The following GABRB2 variants were observed in gnomAD, a reference collection of about 807,000 sequenced individuals.
The protein encoded by GABRB2 is gamma-aminobutyric acid type A receptor subunit beta2.
GABRB2 carries 16 observed loss-of-function variants against 54.7 expected under a neutral mutation model. That is an observed-to-expected ratio of 0.29 (90% CI 0.20 to 0.44). GABRB2 has a LOEUF of 0.44. Among genes scored for constraint, GABRB2 ranks in the 20% least tolerant of loss-of-function variants. GABRB2 has a pLI of 1.00. For missense variants in GABRB2, 355 were observed against 644.0 expected (o/e 0.55, Z 4.86); for synonymous variants, 244 against 233.8 (o/e 1.04, Z -0.40).
At chr5:161,302,752 C>T (rs1344689966) in intron 9 of GABRB2, among the ~76,000 whole-genome samples, 2 of 152,126 alleles carry the variant, frequency 1.3e-5, no homozygotes, top group Non-Finnish European at 2.9e-5. Context: ...ATATCCAAAG[C>T]GCTCTTTCCA....
intron 4 of GABRB2, among the ~76,000 whole-genome samples, chr5:161,416,410 GA>G (rs371655189): frequency 1.2e-3 from 186 of 152,154 alleles, no homozygotes; most frequent in African/African-American, 4.3e-3. Context: ...TTCAGGACTA[GA>G]ATATATGTTC....
chr5:161,370,337 T>A (rs965546408), intron 5 of GABRB2, among the ~76,000 whole-genome samples: 1 of 152,206 alleles, frequency 6.6e-6, no homozygotes, highest in African/African-American at 2.4e-5. Flanking sequence ...ATCACAGTGA[T>A]GATAAATCTG....
chr5:161,448,797 A>G (rs1431889792), intron 4 of GABRB2, among the ~76,000 whole-genome samples: 2 of 152,182 alleles, frequency 1.3e-5, no homozygotes, highest in Non-Finnish European at 2.9e-5. Flanking sequence ...GTTGCATAAG[A>G]GAAACCCCTT....
At chr5:161,368,696 C>T (rs866521611) in intron 5 of GABRB2, among the ~76,000 whole-genome samples, 1 of 152,098 alleles carries the variant, frequency 6.6e-6, no homozygotes, top group South Asian at 2.1e-4. Context: ...CAGTGCCAGT[C>T]TAAGAAGCGA....
chr5:161,296,790 G>A (rs1279777674), intron 9 of GABRB2, among the ~76,000 whole-genome samples: 1 of 152,160 alleles, frequency 6.6e-6, no homozygotes, highest in African/African-American at 2.4e-5. Flanking sequence ...AATAATACTG[G>A]GGTTGGAGTC....
chr5:161,439,987 G>GA (rs1757419360), intron 4 of GABRB2, among the ~76,000 whole-genome samples: 1 of 126,832 alleles, frequency 7.9e-6, no homozygotes, highest in Non-Finnish European at 1.6e-5. Context: ...AAGTTGTAGA[G>GA]AAGAACAAAA....
intron 9 of GABRB2, among the ~76,000 whole-genome samples, chr5:161,309,285 T>C (rs1757789727): frequency 2.0e-5 from 3 of 152,068 alleles, no homozygotes; most frequent in Admixed American, 1.3e-4. Context: ...ATTGGAGAAA[T>C]GCAAATCAAA....
At chr5:161,386,569 A>T (rs1561632035) in intron 5 of GABRB2, among the ~76,000 whole-genome samples, 1 of 152,056 alleles carries the variant, frequency 6.6e-6, no homozygotes, top group Non-Finnish European at 1.5e-5. Context: ...TTTTTGAGAC[A>T]AGGTCTCACT....
intron 5 of GABRB2, among the ~76,000 whole-genome samples, chr5:161,363,276 G>T (rs567514349): frequency 6.6e-6 from 1 of 152,186 alleles, no homozygotes; most frequent in East Asian, 1.9e-4. Flanking sequence ...ACTAACACAA[G>T]AACAGAAAAC....
intron 4 of GABRB2, among the ~76,000 whole-genome samples, chr5:161,433,094 A>T (rs909493551): frequency 6.6e-6 from 1 of 152,116 alleles, no homozygotes; most frequent in African/African-American, 2.4e-5. Context: ...ATACCAAAAA[A>T]ATTCACAGAT....
At chr5:161,296,579 G>T (rs1178110858) in intron 9 of GABRB2, among the ~76,000 whole-genome samples, 1 of 152,072 alleles carries the variant, frequency 6.6e-6, no homozygotes, top group Non-Finnish European at 1.5e-5. Context: ...AATCTTAGTG[G>T]GTTTCTGTTT....
intron 9 of GABRB2, among the ~76,000 whole-genome samples, chr5:161,308,026 T>C (rs1470468362): frequency 6.6e-6 from 1 of 150,906 alleles, no homozygotes; most frequent in Non-Finnish European, 1.5e-5. Flanking sequence ...ACCCGGCTAA[T>C]TTTTTTTTGT....
intron 3 of GABRB2, among the ~76,000 whole-genome samples, chr5:161,492,985 C>A (rs1161153203): frequency 1.3e-5 from 2 of 151,754 alleles, no homozygotes; most frequent in East Asian, 1.9e-4. Flanking sequence ...GAACAAATAT[C>A]ATTGCAAATA....
chr5:161,405,289 T>C (rs1756316396), intron 5 of GABRB2, among the ~76,000 whole-genome samples: 1 of 152,070 alleles, frequency 6.6e-6, no homozygotes, highest in Non-Finnish European at 1.5e-5. Context: ...GATTGCTACA[T>C]ATCCCTCTTA....
chr5:161,463,607 G>T (rs1177818733), intron 3 of GABRB2, among the ~76,000 whole-genome samples: 2 of 85,032 alleles, frequency 2.4e-5, no homozygotes, highest in African/African-American at 4.2e-5. Context: ...ATATGAAAGA[G>T]AATAGCCAAA....
intron 5 of GABRB2, among the ~76,000 whole-genome samples, chr5:161,386,313 C>G (rs996047795): frequency 6.6e-6 from 1 of 152,110 alleles, no homozygotes; most frequent in African/African-American, 2.4e-5. Flanking sequence ...ATTCAATTAT[C>G]TCCACAGTAA....
chr5:161,423,431 T>G (rs1010316132), intron 4 of GABRB2, among the ~76,000 whole-genome samples: 35 of 152,184 alleles, frequency 2.3e-4, no homozygotes, highest in African/African-American at 8.0e-4. Flanking sequence ...CCAAATCATG[T>G]GCTCACTTCC....
chr5:161,453,178 C>T (rs1213098713), intron 4 of GABRB2, among the ~76,000 whole-genome samples: 2 of 152,190 alleles, frequency 1.3e-5, no homozygotes, highest in Non-Finnish European at 2.9e-5. Flanking sequence ...GCCACATCTA[C>T]AGCTAAGCTA....
At position 161,289,720 on chromosome 5, in the gene GABRB2, T is replaced by A. The variant is rs1757184534; in HGVS notation, c.*4361A>T. On this transcript the variant is annotated 3_prime_UTR_variant, in exon 10 of 10. Transcript: ENST00000393959. ...TCTCTTGTTTGTTATATTGACTACA[T>A]AAATAGTAGAGTGTTTCCCATAGAC... 1 of 152,048 alleles carries A rather than the reference T, an allele frequency of 6.6e-6. No homozygotes were observed. The allele number at this position is 152,048 out of a possible 1,614,324, so 9.4% of individuals were successfully genotyped here. A position where few individuals can be genotyped will look rare whatever the true frequency, so the allele number is the denominator to read the frequency against.
Sources: gnomAD v4.1 joint callset for allele counts (sites outside exome capture counted in the v4.1 genomes callset) on GRCh38, gnomAD v4.1.1 for gene constraint, MANE v1.5 for transcripts, NCBI Gene and HGNC (gene_info 2026-07-23, HGNC 2026-07-21) for gene names.